The following AP2B1 variants were observed in gnomAD, a reference collection of about 807,000 sequenced individuals.
AP2B1 encodes the protein AP-2 complex subunit beta.
In AP2B1, 23 loss-of-function variants were observed where a neutral mutation model predicts 102.0. The ratio of observed to expected loss-of-function variants is 0.23; its 90% CI spans 0.16 to 0.32. The LOEUF (loss-of-function observed/expected upper bound fraction) is 0.32, where lower values mean the gene tolerates loss of function less well. Among genes scored for constraint, AP2B1 ranks in the 10% least tolerant of loss-of-function variants. The probability of loss-of-function intolerance (pLI) is 1.00; values close to 1 mark genes in which losing one functional copy is unlikely to be tolerated. For synonymous variants in AP2B1, 381 were observed against 421.2 expected (o/e 0.90, Z 1.17); for missense variants, 541 against 1,157.4 (o/e 0.47, Z 7.73).
chr17:35,604,751 CTG>C (rs1170542013), intron 3 of AP2B1, among the ~76,000 whole-genome samples: 1 of 151,940 alleles, frequency 6.6e-6, no homozygotes, highest in Non-Finnish European at 1.5e-5. Flanking sequence ...GAGTGAGACT[CTG>C]TCTCAAAAAG....
rs371706064 is a variant in AP2B1, at chr17:35,626,755, T to C, written c.851T>C (p.Leu284Ser). The part of the protein sequence containing the change: ...SDYYNMLLKK[L>S]APPLVTLLSG... ...TACTACAATATGCTGCTGAAGAAGT[T>C]AGCCCCTCCACTTGTCACTTTGCTG... The change falls in exon 7 of 22, where the codon TTA becomes TCA. Residue 284 changes from leucine (L) to serine (S), a missense_variant. Leu to Ser is a moderately radical substitution (Grantham distance 145). This residue lies in a region of AP2B1 where 134 missense variants were observed against 250.2 expected (regional missense o/e 0.54). Transcript: ENST00000610402. 3.1e-6 allele frequency: 5 copies of C among 1,613,910 alleles called. No individual in the cohort carries two copies. The African/African-American group carries it at 5.3e-5, about 17-fold the overall frequency.
At chr17:35,629,041 C>G (rs559382408) in intron 9 of AP2B1, among the ~76,000 whole-genome samples, 1 of 152,058 alleles carries the variant, frequency 6.6e-6, no homozygotes, top group South Asian at 2.1e-4. Context: ...CTCTGCCTCC[C>G]GGGCTCAAGC....
At chr17:35,611,734 TAAATA>T (rs2073872319) in intron 5 of AP2B1, among the ~76,000 whole-genome samples, 2 of 152,164 alleles carry the variant, frequency 1.3e-5, no homozygotes, top group Non-Finnish European at 2.9e-5. Context: ...ATGAATACAA[TAAATA>T]AAATGAATTC....
chr17:35,689,775 G>A lies in AP2B1; in HGVS notation c.2454+6951G>A, dbSNP rs191988915. ...TGCATCAGCCACATTTCAAGTACAT[G>A]TGTGGCTAATGGTTACTAGATGGGA... On this transcript the variant is annotated intron_variant, in intron 18 of 21. Transcript: ENST00000610402. Among the ~76,000 whole-genome samples the A allele has an allele frequency of 2.1e-3, 315 of 152,280 alleles. 3 individuals carry two copies. The highest frequency in any genetic ancestry group is 3.2e-3 in the Non-Finnish European group (216 of 68,018).
chr17:35,615,181 C>T (rs1405273902), intron 5 of AP2B1, among the ~76,000 whole-genome samples: 1 of 152,128 alleles, frequency 6.6e-6, no homozygotes, highest in Non-Finnish European at 1.5e-5. Flanking sequence ...TGTTTGAGTC[C>T]TGGCTTGGCT....
chr17:35,688,240 T>C (rs1054247761), intron 18 of AP2B1, among the ~76,000 whole-genome samples: 6 of 152,356 alleles, frequency 3.9e-5, no homozygotes, highest in Admixed American at 2.6e-4. Context: ...AGAATAGGTA[T>C]GTAGACTATT....
In AP2B1 at chr17:35,598,342, G is replaced by T. The variant is rs765570099; in HGVS notation, c.143+7G>T. 2 of 1,587,342 alleles carry T rather than the reference G, an allele frequency of 1.3e-6. No individual in the cohort carries two copies. The highest frequency in any genetic ancestry group is 1.7e-6 in the Non-Finnish European group (2 of 1,158,338). ...CCGTGGGGAAGGATGTTAGGTAAGA[G>T]TAATCACCCTTGCCATTGATCACTT... On this transcript the variant is annotated splice_region_variant and intron_variant, in intron 3 of 21. Coordinates refer to ENST00000610402, the MANE Select transcript of AP2B1 (RefSeq NM_001030006.2).
chr17:35,709,229 T>C lies in AP2B1; in HGVS notation c.2460T>C (p.Ala820=), dbSNP rs2076401117. Residue 820 remains alanine, a synonymous_variant, in exon 19 of 22, where the codon GCT becomes GCC. Coordinates refer to ENST00000610402, the MANE Select transcript of AP2B1 (RefSeq NM_001030006.2). The part of the protein sequence containing the change: ...KMEPLNNLQV[A]VKNNIDVFYF... ...CCTTGTTGCTTTCCTGGCAGGTGGC[T>C]GTGAAAAACAATATCGATGTCTTCT... 1 of 1,614,014 alleles carries C rather than the reference T, an allele frequency of 6.2e-7. No individual in the cohort carries two copies. Among genetic ancestry groups the C allele is most frequent in the African/African-American group, 1.3e-5 (1 of 74,920 alleles).
chr17:35,704,961 G>A (rs959968922), intron 18 of AP2B1, among the ~76,000 whole-genome samples: 1 of 152,192 alleles, frequency 6.6e-6, no homozygotes, highest in Admixed American at 6.5e-5. Context: ...AACCCGGGGG[G>A]CGGAGGTTGC....
At chr17:35,687,694 G>T (rs992504481) in intron 18 of AP2B1, among the ~76,000 whole-genome samples, 3 of 151,978 alleles carry the variant, frequency 2.0e-5, no homozygotes, top group African/African-American at 7.3e-5. Context: ...GGGACTACAG[G>T]TGTGTGTCAC....
chr17:35,593,994 T>C lies in AP2B1; in HGVS notation c.-23-14T>C. ...CTATAACCTGAATGAAGGAATTCTTTTCTCTTGCTATAGGTGCACATTAAA... is the reference window on the plus strand; with the variant it reads ...CTATAACCTGAATGAAGGAATTCTTCTCTCTTGCTATAGGTGCACATTAAA... On this transcript the variant is annotated splice_polypyrimidine_tract_variant and intron_variant, in intron 1 of 21. Transcript: ENST00000610402. 1 of 1,492,996 alleles carries C rather than the reference T, an allele frequency of 6.7e-7. No homozygotes were observed. Among genetic ancestry groups the C allele is most frequent in the Non-Finnish European group, 9.1e-7 (1 of 1,101,408 alleles). 92.5% of individuals were successfully genotyped at this position (1,492,996 alleles called of 1,614,324 possible).
chr17:35,699,121 G>T (rs940187893), intron 18 of AP2B1, among the ~76,000 whole-genome samples: 2 of 152,156 alleles, frequency 1.3e-5, no homozygotes, highest in African/African-American at 4.8e-5. Context: ...TTTGGTTTCT[G>T]TTGGCTTCCT....
chr17:35,725,211 A>G lies in AP2B1; in HGVS notation c.*1512A>G, dbSNP rs2085499263. 6.6e-6 allele frequency: 1 copy of G among 152,324 alleles called. No individual in the cohort carries two copies. The highest frequency in any genetic ancestry group is 3.4e-3 in the Middle Eastern group (1 of 294). The allele number at this position is 152,324 out of a possible 1,614,324, so 9.4% of individuals were successfully genotyped here. ...TTTTTCAAAGAATGCTTCATGCCCAAAATACCAGCCTGTTTAGCAGTGTTA... is the reference window on the plus strand; with the variant it reads ...TTTTTCAAAGAATGCTTCATGCCCAGAATACCAGCCTGTTTAGCAGTGTTA... On this transcript the variant is annotated 3_prime_UTR_variant, in exon 22 of 22. Transcript: ENST00000610402.
At chr17:35,694,427 A>ATTTTTTTTTTTTT (rs1555581002) in intron 18 of AP2B1, among the ~76,000 whole-genome samples, 9 of 114,536 alleles carry the variant, frequency 7.9e-5, no homozygotes, top group Admixed American at 2.9e-4. Context: ...TTTTTTTTTA[A>ATTTTTTTTTTTTT]TTTTTTAATT....
chr17:35,667,706 CT>C (rs1464329493), intron 14 of AP2B1, among the ~76,000 whole-genome samples: 1 of 152,166 alleles, frequency 6.6e-6, no homozygotes, highest in Non-Finnish European at 1.5e-5. Flanking sequence ...AGCAAAACTG[CT>C]GTTTCCTTTC....
At chr17:35,667,115 G>A (rs568842159) in intron 14 of AP2B1, among the ~76,000 whole-genome samples, 174 of 152,202 alleles carry the variant, frequency 1.1e-3, no homozygotes, top group Middle Eastern at 3.4e-3. Flanking sequence ...CTTGTAGATA[G>A]GAGAGGCCAC....
intron 14 of AP2B1, among the ~76,000 whole-genome samples, chr17:35,660,322 G>C (rs1427777620): frequency 6.6e-6 from 1 of 152,048 alleles, no homozygotes; most frequent in Non-Finnish European, 1.5e-5. Flanking sequence ...GAGACCTAGA[G>C]TCTGCGTTTC....
Position 35,660,473 on chromosome 17 carries a change from TTC to T in AP2B1, c.1989+2690_1989+2691del, listed in dbSNP as rs757152536. 4.7e-5 allele frequency among the ~76,000 whole-genome samples: 7 copies of T among 150,168 alleles called. No homozygotes were observed. In the South Asian group the frequency reaches 1.1e-3, roughly 23 times the overall value. Reference sequence around the variant, plus strand: ...TAGATGCTCAGATACCTTTTTCTTTTTCTCTCTCTTTTTTTTTTTTTTTTTTG... The same window carrying T: ...TAGATGCTCAGATACCTTTTTCTTTTTCTCTCTTTTTTTTTTTTTTTTTTG... On this transcript the variant is annotated intron_variant, in intron 14 of 21. Coordinates refer to ENST00000610402, the MANE Select transcript of AP2B1 (RefSeq NM_001030006.2).
chr17:35,599,841 C>T (rs1308544965), intron 3 of AP2B1, among the ~76,000 whole-genome samples: 1 of 151,944 alleles, frequency 6.6e-6, no homozygotes, highest in East Asian at 1.9e-4. Context: ...ACTCAGGAGG[C>T]GGAGGTTGCA....
Sources: allele counts gnomAD v4.1 joint callset (sites outside exome capture counted in the v4.1 genomes callset), GRCh38; gene constraint gnomAD v4.1.1; regional missense constraint gnomAD v4.1.1; transcripts MANE v1.5; gene names NCBI Gene and HGNC (gene_info 2026-07-23, HGNC 2026-07-21).